NRXN3: variants seen among roughly 807,000 people sequenced by gnomAD.
The protein encoded by NRXN3 is neurexin 3, also known as neurexin III.
In NRXN3, 32 loss-of-function variants were observed where a neutral mutation model predicts 137.6. The observed-to-expected ratio is 0.23, with a 90% CI of 0.18 to 0.31. The LOEUF is 0.31. NRXN3 is among the 10% of genes least tolerant of loss of function. The probability of loss-of-function intolerance (pLI) is 1.00; values close to 1 mark genes in which losing one functional copy is unlikely to be tolerated. For missense variants in NRXN3, 1,574 were observed against 2,062.5 expected, an observed-to-expected ratio of 0.76 and a Z score of 4.59; for synonymous variants, 798 against 784.5, an observed-to-expected ratio of 1.02 and a Z score of -0.29.
At chr14:78,655,642 C>A (rs1478742688) in intron 6 of NRXN3, among the ~76,000 whole-genome samples, 3 of 151,752 alleles carry the variant, frequency 2.0e-5, no homozygotes, top group Non-Finnish European at 4.4e-5. Context: ...CTAGAGTGGA[C>A]CCTGACATTA....
chr14:79,692,195 C>G lies in NRXN3; in HGVS notation c.3639C>G (p.Phe1213Leu), dbSNP rs773920928. 2 of 1,609,406 alleles carry G rather than the reference C, an allele frequency of 1.2e-6. No individual in the cohort carries two copies. The highest frequency in any genetic ancestry group is 1.7e-4 in the Middle Eastern group (1 of 6,034). ...YPTGNTDNERFQMVKQKIPFK... is the reference protein window; with the variant it reads ...YPTGNTDNERLQMVKQKIPFK... ...AAGGCAACACTGATAATGAACGCTT[C>G]CAAATGGTAAAACAGAAAATCCCCT... Residue 1213 changes from phenylalanine to leucine, a missense_variant, in exon 18 of 21, where the codon TTC becomes TTG. This residue lies in a region of NRXN3 where 133 missense variants were observed against 241.8 expected (regional missense o/e 0.55). Coordinates refer to ENST00000335750, the MANE Select transcript of NRXN3 (RefSeq NM_001330195.2).
intron 10 of NRXN3, among the ~76,000 whole-genome samples, chr14:78,846,204 C>T (rs1410696889): frequency 6.6e-6 from 1 of 152,024 alleles, no homozygotes; most frequent in African/African-American, 2.4e-5. Context: ...TTTTAGATGT[C>T]AATTGTGTCC....
In NRXN3 at chr14:79,748,744, A is replaced by T. The variant is rs1257555731; in HGVS notation, c.4014+50807A>T. Among the ~76,000 whole-genome samples, 3 of 151,794 alleles carry T rather than the reference A, an allele frequency of 2.0e-5. No individual in the cohort carries two copies. The East Asian group carries it at 5.8e-4, about 29-fold the overall frequency. On this transcript the variant is annotated intron_variant, in intron 19 of 20. Transcript: ENST00000335750. ...TGTGATTGTAATGGCTAGCACTGGT[A>T]CTCTTTCCCTCTCTCTCCCCTTCTT... is the stretch of plus-strand genomic sequence containing the variant.
intron 4 of NRXN3, among the ~76,000 whole-genome samples, chr14:78,304,958 A>G (rs1041125812): frequency 2.6e-5 from 4 of 152,218 alleles, no homozygotes; most frequent in African/African-American, 9.7e-5. Flanking sequence ...GAACACACAC[A>G]CACCTGCGTG....
chr14:79,236,706 G>T (rs1568725044), intron 15 of NRXN3, among the ~76,000 whole-genome samples: 1 of 151,886 alleles, frequency 6.6e-6, no homozygotes, highest in Non-Finnish European at 1.5e-5. Flanking sequence ...GAACTCAAGA[G>T]TTGGAGACCA....
intron 15 of NRXN3, among the ~76,000 whole-genome samples, chr14:79,438,105 G>A (rs536308032): frequency 7.9e-5 from 12 of 152,254 alleles, no homozygotes; most frequent in Admixed American, 2.0e-4. Flanking sequence ...AACTCGGGTA[G>A]GTGCAAGGTG....
intron 15 of NRXN3, among the ~76,000 whole-genome samples, chr14:79,043,808 A>G (rs2099628863): frequency 6.6e-6 from 1 of 152,100 alleles, no homozygotes; most frequent in Non-Finnish European, 1.5e-5. Context: ...TGTTTGAGAG[A>G]GACATCGCTG....
At chr14:78,961,477 C>CA (rs375720223) in intron 11 of NRXN3, among the ~76,000 whole-genome samples, 14 of 151,836 alleles carry the variant, frequency 9.2e-5, no homozygotes, top group African/African-American at 1.7e-4. Context: ...CATTCTCACA[C>CA]AAAAAAAGAG....
chr14:79,361,679 G>A (rs1043237288), intron 15 of NRXN3, among the ~76,000 whole-genome samples: 4 of 152,024 alleles, frequency 2.6e-5, no homozygotes, highest in Non-Finnish European at 4.4e-5. Flanking sequence ...ATCACGCCAC[G>A]GCACTCCAGT....
At chr14:79,529,693 A>G (rs570578662) in intron 16 of NRXN3, among the ~76,000 whole-genome samples, 1 of 152,356 alleles carries the variant, frequency 6.6e-6, no homozygotes, top group African/African-American at 2.4e-5. Flanking sequence ...CTAGAAAAAT[A>G]AAGTTATCTC....
intron 16 of NRXN3, among the ~76,000 whole-genome samples, chr14:79,648,204 ACAAAC>A (rs1438594331): frequency 2.2e-5 from 3 of 134,180 alleles, no homozygotes; most frequent in Admixed American, 8.0e-5. Context: ...AAACAAACAA[ACAAAC>A]AAAAAACAGA....
chr14:78,719,063 A>G (rs969923893), intron 8 of NRXN3, among the ~76,000 whole-genome samples: 1 of 152,226 alleles, frequency 6.6e-6, no homozygotes, highest in Non-Finnish European at 1.5e-5. Context: ...ATTGGTGAGC[A>G]TCAAGTTCCA....
intron 15 of NRXN3, among the ~76,000 whole-genome samples, chr14:79,230,177 T>G (rs1474467517): frequency 1.3e-5 from 2 of 151,328 alleles, no homozygotes; most frequent in Non-Finnish European, 3.0e-5. Context: ...AAATATTTCA[T>G]TTTTTTTTCT....
intron 9 of NRXN3, among the ~76,000 whole-genome samples, chr14:78,808,275 G>C (rs1001279907): frequency 2.6e-5 from 4 of 152,148 alleles, no homozygotes; most frequent in African/African-American, 7.2e-5. Flanking sequence ...GAAATCATTT[G>C]AGTGATCCAG....
At chr14:78,235,333 A>G (rs1323061799) in intron 1 of NRXN3, among the ~76,000 whole-genome samples, 3 of 152,042 alleles carry the variant, frequency 2.0e-5, no homozygotes, top group Admixed American at 2.0e-4. Flanking sequence ...CTCTTGATAA[A>G]CATGAAAGAT....
intron 4 of NRXN3, among the ~76,000 whole-genome samples, chr14:78,571,586 C>T (rs2096889864): frequency 6.6e-6 from 1 of 152,034 alleles, no homozygotes; most frequent in African/African-American, 2.4e-5. Context: ...AATATTGAGC[C>T]CTTACTAGGT....
intron 10 of NRXN3, among the ~76,000 whole-genome samples, chr14:78,822,264 A>G (rs553337653): frequency 3.6e-4 from 55 of 152,314 alleles, no homozygotes; most frequent in Admixed American, 5.2e-4. Flanking sequence ...AGTAAAAACA[A>G]TAGCATTGAG....
chr14:78,718,422 A>C (rs1311742267), intron 8 of NRXN3, among the ~76,000 whole-genome samples: 1 of 152,182 alleles, frequency 6.6e-6, no homozygotes, highest in African/African-American at 2.4e-5. Flanking sequence ...GACACTAGAC[A>C]CTACATCAAA....
intron 15 of NRXN3, among the ~76,000 whole-genome samples, chr14:79,193,240 A>G (rs112906605): frequency 1.0e-3 from 156 of 152,352 alleles, no homozygotes; most frequent in African/African-American, 3.5e-3. Flanking sequence ...AAAGGAATAT[A>G]AATTAAAGAG....
Sources: gnomAD v4.1 joint callset for allele counts (sites outside exome capture counted in the v4.1 genomes callset) on GRCh38, gnomAD v4.1.1 for gene constraint, gnomAD v4.1.1 regional missense constraint, MANE v1.5 for transcripts, NCBI Gene and HGNC (gene_info 2026-07-23, HGNC 2026-07-21) for gene names.